DCHS1: variants seen among roughly 807,000 people sequenced by gnomAD.
DCHS1 encodes the protein dachsous cadherin-related 1, also known as protocadherin-16.
DCHS1 carries 78 observed loss-of-function variants against 213.9 expected under a neutral mutation model. That is an observed-to-expected ratio of 0.36 (90% CI 0.30 to 0.44). The LOEUF is 0.44. DCHS1 is among the 20% of genes least tolerant of loss of function. The pLI, the probability that DCHS1 is intolerant of heterozygous loss-of-function variation, is 1.00. For synonymous variants in DCHS1, 1,828 were observed against 1,873.7 expected (o/e 0.98, Z 0.63); for missense variants, 3,946 against 4,395.9 (o/e 0.90, Z 2.89).
chr11:6,633,078 T>C, intron 5 of DCHS1, 22 bp from the exon 6 acceptor site: 1 of 1,575,394 alleles, frequency 6.3e-7, no homozygotes, highest in Non-Finnish European at 8.6e-7. Context: ...GAAAAAGGGA[T>C]CAGGAAAGAG....
Position 6,623,697 on chromosome 11 carries a change from C to T in DCHS1, c.7979G>A (p.Arg2660Gln), listed in dbSNP as rs777817641. Residue 2660 changes from arginine (R) to glutamine (Q), a missense_variant, in exon 21 of 21, where the codon CGA becomes CAA. By Grantham distance (43) the Arg-to-Gln change is conservative. Around this residue, in one of 3 missense-constraint regions of DCHS1, gnomAD observed 3,384 missense variants for 3,780.1 expected, o/e 0.90. Transcript: ENST00000299441. ...CTCACAGTCCAGGGCATGGGCCAGT[C>T]GCAAGGTGCCTGAGCTCTCATCCAG... The part of the protein sequence containing the change: ...FELDESSGTL[R>Q]LAHALDCETQ... 3.9e-5 allele frequency: 63 copies of T among 1,613,674 alleles called. No individual in the cohort carries two copies. The highest frequency in any genetic ancestry group is 1.6e-4 in the Middle Eastern group (1 of 6,084).
Position 6,625,614 on chromosome 11 carries a change from T to C in DCHS1, c.6845A>G (p.Glu2282Gly). 1 of 1,613,462 alleles carries C rather than the reference T, an allele frequency of 6.2e-7. No individual in the cohort carries two copies. The change falls in exon 18 of 21, where the codon GAG (glutamate) becomes GGG (glycine). Residue 2282 changes from glutamate to glycine, a missense_variant. This residue lies in a region of DCHS1 where 3,384 missense variants were observed against 3,780.1 expected (regional missense o/e 0.90). Transcript: ENST00000299441. This position sits in a 1 kb window ranked among gnomAD's most constrained non-coding sequence, Gnocchi z 5.3. ...DNRPTIPQPW[E>G]LRVSEDALLG... The stretch of plus-strand genomic sequence containing the variant: ...AGCCTCACCTTCTGACACTCGGAGC[T>C]CCCAGGGTTGGGGGATGGTGGGGCG...
intron 1 of DCHS1, among the ~76,000 whole-genome samples, chr11:6,649,364 C>T (rs564217981): frequency 6.6e-6 from 1 of 151,884 alleles, no homozygotes; most frequent in South Asian, 2.1e-4. Flanking sequence ...TAGGAGAATA[C>T]ATCTGGCAGT....
In DCHS1 at chr11:6,630,665, C is replaced by T. The variant is rs574309156; in HGVS notation, c.4129G>A (p.Gly1377Ser). 1.3e-6 allele frequency: 2 copies of T among 1,533,760 alleles called. No individual in the cohort carries two copies. The highest frequency in any genetic ancestry group is 1.8e-6 in the Non-Finnish European group (2 of 1,142,094). ...GAGGCCGCATCCAGCGCGAAGGTGC[C>T]CTCGGGATCGGCACCGCCCACCAGT... ...YTLVGGADPE[G>S]TFALDAASGR... Residue 1377 changes from glycine to serine, a missense_variant, in exon 10 of 21, where the codon GGC (glycine) becomes AGC (serine). Gly to Ser is a moderately conservative substitution (Grantham distance 56). Around this residue, in one of 3 missense-constraint regions of DCHS1, gnomAD observed 3,384 missense variants for 3,780.1 expected, o/e 0.90. Coordinates refer to ENST00000299441, the MANE Select transcript of DCHS1 (RefSeq NM_003737.4).
chr11:6,631,427 C>T lies in DCHS1; in HGVS notation c.3676-20G>A. The T allele has an allele frequency of 6.2e-7, 1 of 1,611,564 alleles. No homozygotes were observed. The highest frequency in any genetic ancestry group is 8.5e-7 in the Non-Finnish European group (1 of 1,177,700). On this transcript the variant is annotated intron_variant, in intron 7 of 20. Transcript: ENST00000299441. ...TGGTACCTGTGGGAACACAACTCAC[C>T]TAGTGAGTCTCTTTCCTGTTCTTCA...
Position 6,629,514 on chromosome 11 carries a change from G to A in DCHS1, c.5099C>T (p.Thr1700Ile), listed in dbSNP as rs1291359444. Residue 1700 changes from threonine to isoleucine, a missense_variant, in exon 12 of 21, where the codon ACT becomes ATT. Thr to Ile is a moderately conservative substitution (Grantham distance 89, BLOSUM62 -1). Around this residue, in one of 3 missense-constraint regions of DCHS1, gnomAD observed 3,384 missense variants for 3,780.1 expected, o/e 0.90. Coordinates refer to ENST00000299441, the MANE Select transcript of DCHS1 (RefSeq NM_003737.4). ...GGCCCGAAGAGTCGTGAGAACACCAGTGTCAGGATCCAGAGAAAAGCTTTC... is the reference window on the plus strand; with the variant it reads ...GGCCCGAAGAGTCGTGAGAACACCAATGTCAGGATCCAGAGAAAAGCTTTC... ...SSESFSLDPD[T>I]GVLTTLRALD... The A allele has an allele frequency of 2.5e-6, 4 of 1,613,456 alleles. No homozygotes were observed. The highest frequency in any genetic ancestry group is 2.7e-5 in the African/African-American group (2 of 75,050).
Position 6,655,804 on chromosome 11 carries a change from T to A in DCHS1, c.-362A>T. On this transcript the variant is annotated 5_prime_UTR_variant, in exon 1 of 21. Transcript: ENST00000299441. The stretch of plus-strand genomic sequence containing the variant: ...CAGCCGCCCCGCCGAGGATGCGAGC[T>A]CCGCTGCCGCGGCCCCGCGCCCCCT... 1.1e-6 allele frequency: 1 copy of A among 892,588 alleles called. No homozygotes were observed. Among genetic ancestry groups the A allele is most frequent in the Non-Finnish European group, 1.3e-6 (1 of 767,848 alleles). The allele number at this position is 892,588 out of a possible 1,614,324, so 55.3% of individuals were successfully genotyped here. A position where few individuals can be genotyped will look rare whatever the true frequency, so the allele number is the denominator to read the frequency against.
intron 2 of DCHS1, among the ~76,000 whole-genome samples, chr11:6,635,365 A>G (rs1043712554): frequency 2.6e-5 from 4 of 152,200 alleles, no homozygotes; most frequent in African/African-American, 9.7e-5. Context: ...ACTAAGTTTT[A>G]TACATTGGGT....
chr11:6,624,098 G>T lies in DCHS1; in HGVS notation c.7578C>A (p.Asn2526Lys), dbSNP rs1564859724. ...AAVDYSIISG[N>K]WGRVFQLEPR... ...GTTCCAGCTGGAAGACTCGGCCCCA[G>T]TTGCCACTGATGATGCTGTAGTCCA... Residue 2526 changes from asparagine to lysine, a missense_variant, in exon 21 of 21, where the codon AAC becomes AAA. Asn to Lys is a moderately conservative substitution (Grantham distance 94, BLOSUM62 0). Coordinates refer to ENST00000299441, the MANE Select transcript of DCHS1 (RefSeq NM_003737.4). The T allele has an allele frequency of 1.2e-6, 2 of 1,612,130 alleles. No homozygotes were observed. Among genetic ancestry groups the T allele is most frequent in the Non-Finnish European group, 1.7e-6 (2 of 1,179,242 alleles).
rs775492992 is a variant in DCHS1 at position 6,622,717 on chromosome 11, G to T, written c.8959C>A (p.Gln2987Lys). ...QAAPLASDSLQKLGREPPSPP... is the reference protein window; with the variant it reads ...QAAPLASDSLKKLGREPPSPP... ...CTAGGTGGCTCCCGGCCCAGTTTCT[G>T]CAGTGAGTCACTGGCTAGGGGTGCT... Residue 2987 changes from glutamine (Q) to lysine (K), a missense_variant, in exon 21 of 21, where the codon CAG becomes AAG. Gln to Lys is a moderately conservative substitution (Grantham distance 53). This residue lies in a region of DCHS1 where 554 missense variants were observed against 590.2 expected (regional missense o/e 0.94). Transcript: ENST00000299441. The surrounding 1 kb of genome is among the most constrained non-coding windows in gnomAD (Gnocchi z 5.4). The T allele has an allele frequency of 3.8e-6, 6 of 1,592,244 alleles. No homozygotes were observed. The African/African-American group carries it at 6.7e-5, about 18-fold the overall frequency.
At chr11:6,652,521 A>G (rs928567998) in intron 1 of DCHS1, among the ~76,000 whole-genome samples, 8 of 152,224 alleles carry the variant, frequency 5.3e-5, no homozygotes, top group African/African-American at 1.9e-4. Flanking sequence ...ATGTCCTCCC[A>G]GGAGGAATGG....
rs145521700 is a variant in DCHS1 at position 6,624,269 on chromosome 11, G to A, written c.7407C>T (p.His2469=). 40 of 1,610,604 alleles carry A rather than the reference G, an allele frequency of 2.5e-5. No individual in the cohort carries two copies. Among genetic ancestry groups the A allele is most frequent in the Non-Finnish European group, 3.2e-5 (38 of 1,178,794 alleles). The stretch of plus-strand genomic sequence containing the variant: ...GGTCGTTCTGGTCCTGCAGCTGCAC[G>A]TGCACTGTGGCTCGTGCTGCCCGGC... ...APGRAARATV[H]VQLQDQNDHA... The change falls in exon 21 of 21, where the codon CAC becomes CAT. Residue 2469 remains histidine (H), a synonymous_variant. Transcript: ENST00000299441.
rs1190971637 is a variant in DCHS1 at position 6,640,234 on chromosome 11, C to A, written c.1380G>T (p.Leu460=). 1 of 1,612,416 alleles carries A rather than the reference C, an allele frequency of 6.2e-7. No homozygotes were observed. Among genetic ancestry groups the A allele is most frequent in the East Asian group, 2.2e-5 (1 of 44,796 alleles). The change falls in exon 2 of 21, where the codon CTG becomes CTT. Residue 460 remains leucine, a synonymous_variant. Coordinates refer to ENST00000299441, the MANE Select transcript of DCHS1 (RefSeq NM_003737.4). This position sits in a 1 kb window ranked among gnomAD's most constrained non-coding sequence, Gnocchi z 6.5. ...CATTGTCGTTGACATCAGTGACGTGCAGCACAAAGGCAGCCTCAGCCCGCA... is the reference window on the plus strand; with the variant it reads ...CATTGTCGTTGACATCAGTGACGTGAAGCACAAAGGCAGCCTCAGCCCGCA... ...PPLRAEAAFV[L]HVTDVNDNAP...
intron 1 of DCHS1, among the ~76,000 whole-genome samples, chr11:6,653,588 GA>G (rs1256815652): frequency 1.3e-5 from 2 of 151,870 alleles, no homozygotes; most frequent in African/African-American, 2.4e-5. Flanking sequence ...GAAGAAAATA[GA>G]AAAAAAATCA....
intron 1 of DCHS1, among the ~76,000 whole-genome samples, chr11:6,651,691 G>C (rs1265352953): frequency 6.6e-6 from 1 of 152,168 alleles, no homozygotes; most frequent in Non-Finnish European, 1.5e-5. Context: ...GGAGAAAAGG[G>C]GATGGGATAT....
chr11:6,652,615 T>C (rs1856260153), intron 1 of DCHS1, among the ~76,000 whole-genome samples: 1 of 152,098 alleles, frequency 6.6e-6, no homozygotes, highest in Admixed American at 6.5e-5. Flanking sequence ...GGGGATGGGA[T>C]CCGTAACACA....
chr11:6,639,093 G>C (rs1286176929), intron 2 of DCHS1, among the ~76,000 whole-genome samples: 1 of 144,722 alleles, frequency 6.9e-6, no homozygotes, highest in Non-Finnish European at 1.5e-5. Context: ...CTGGGCAACA[G>C]AGCGAGACTC....
At chr11:6,634,922 C>G (rs909043612) in intron 2 of DCHS1, 1 of 152,128 alleles carries the variant, frequency 6.6e-6, no homozygotes, top group Non-Finnish European at 1.5e-5. Context: ...ATCTCTCTGC[C>G]CATGTCCAGG....
intron 1 of DCHS1, among the ~76,000 whole-genome samples, chr11:6,649,994 C>G (rs1406294080): frequency 6.6e-6 from 1 of 152,156 alleles, no homozygotes; most frequent in Non-Finnish European, 1.5e-5. Context: ...AAACAACTCT[C>G]TTAAGGAGAT....
Sources: allele counts gnomAD v4.1 joint callset (sites outside exome capture counted in the v4.1 genomes callset), GRCh38; gene constraint gnomAD v4.1.1; regional missense constraint gnomAD v4.1.1; non-coding constraint Gnocchi (gnomAD v3.1); transcripts MANE v1.5; gene names NCBI Gene and HGNC (gene_info 2026-07-23, HGNC 2026-07-21).